Variants in ZBTB7C observed in about 807,000 individuals in gnomAD.
ZBTB7C encodes the protein zinc finger and BTB domain containing 7C, also known as zinc finger and BTB domain-containing protein 7C.
In ZBTB7C, 8 loss-of-function variants were observed where a neutral mutation model predicts 25.7. The ratio of observed to expected loss-of-function variants is 0.31; its 90% CI spans 0.18 to 0.56. The LOEUF (loss-of-function observed/expected upper bound fraction) is 0.56, where lower values mean the gene tolerates loss of function less well. Among genes scored for constraint, ZBTB7C ranks in the 20% least tolerant of loss-of-function variants. The pLI is 0.91. For synonymous variants in ZBTB7C, 394 were observed against 369.0 expected (o/e 1.07, Z -0.78); for missense variants, 824 against 855.2 (o/e 0.96, Z 0.46).
At chr18:48,101,042 C>T (rs1343580302) in intron 3 of ZBTB7C, among the ~76,000 whole-genome samples, 5 of 152,146 alleles carry the variant, frequency 3.3e-5, no homozygotes, top group Admixed American at 2.6e-4. Context: ...GTAGCCTTGT[C>T]CTCAGCCCTC....
chr18:48,372,164 G>T (rs974770582), intron 1 of ZBTB7C, among the ~76,000 whole-genome samples: 1 of 152,188 alleles, frequency 6.6e-6, no homozygotes, highest in African/African-American at 2.4e-5. Context: ...AGTCTGAAAA[G>T]AATTTTGGAG....
intron 3 of ZBTB7C, among the ~76,000 whole-genome samples, chr18:48,140,492 T>C (rs1475125215): frequency 6.6e-6 from 1 of 152,126 alleles, no homozygotes; most frequent in East Asian, 1.9e-4. Flanking sequence ...TGCATCTTTG[T>C]GACTCTGGTG....
chr18:48,134,700 C>G (rs1485249904), intron 3 of ZBTB7C, among the ~76,000 whole-genome samples: 1 of 152,202 alleles, frequency 6.6e-6, no homozygotes, highest in Non-Finnish European at 1.5e-5. Context: ...CAGGGTGACA[C>G]CCTGGGACAG....
chr18:48,029,927 T>TG lies in ZBTB7C; in HGVS notation c.1209-17dup, dbSNP rs777563050. On this transcript the variant is annotated splice_polypyrimidine_tract_variant and intron_variant, in intron 4 of 4. Coordinates refer to ENST00000590800, the MANE Select transcript of ZBTB7C (RefSeq NM_001318841.2). ...CTTGTCCTGCCTGCAATGCAGAGAC[T>TG]GGGGGTCAGTCCCGCAGGGAACACC... 10 of 1,609,510 alleles carry TG rather than the reference T, an allele frequency of 6.2e-6. No individual in the cohort carries two copies. The highest frequency in any genetic ancestry group is 1.7e-5 in the Admixed American group (1 of 59,998).
chr18:48,131,272 C>T (rs1598937024), intron 3 of ZBTB7C, among the ~76,000 whole-genome samples: 1 of 152,344 alleles, frequency 6.6e-6, no homozygotes, highest in East Asian at 1.9e-4. Flanking sequence ...CTGGACTAAG[C>T]ACCATTTGAT....
At chr18:48,259,625 T>C (rs920154403) in intron 2 of ZBTB7C, among the ~76,000 whole-genome samples, 1 of 152,146 alleles carries the variant, frequency 6.6e-6, no homozygotes, top group African/African-American at 2.4e-5. Context: ...GTGAGAAATA[T>C]GCAACCCACA....
chr18:48,233,753 T>C (rs1206869039), intron 2 of ZBTB7C, among the ~76,000 whole-genome samples: 1 of 152,230 alleles, frequency 6.6e-6, no homozygotes, highest in African/African-American at 2.4e-5. Context: ...CCCATATTCA[T>C]CTGTGCTTTT....
intron 2 of ZBTB7C, among the ~76,000 whole-genome samples, chr18:48,204,348 C>T (rs2042529698): frequency 6.6e-6 from 1 of 152,102 alleles, no homozygotes; most frequent in Non-Finnish European, 1.5e-5. Context: ...ACCTAGATAC[C>T]CACTGCACTT....
chr18:48,340,253 C>T (rs772659714), intron 1 of ZBTB7C, among the ~76,000 whole-genome samples: 13 of 152,182 alleles, frequency 8.5e-5, no homozygotes, highest in Non-Finnish European at 1.9e-4. Context: ...CCTTCTGGAA[C>T]AAGTAACATA....
chr18:48,128,578 G>A (rs1385234866), intron 3 of ZBTB7C, among the ~76,000 whole-genome samples: 15 of 152,370 alleles, frequency 9.8e-5, no homozygotes, highest in African/African-American at 3.4e-4. Context: ...GCTGGAAGCC[G>A]TTATTCTAAG....
At chr18:48,326,043 A>G (rs761029016) in intron 2 of ZBTB7C, among the ~76,000 whole-genome samples, 4 of 152,044 alleles carry the variant, frequency 2.6e-5, no homozygotes, top group African/African-American at 7.2e-5. Flanking sequence ...GGACCTGGGA[A>G]CAAAGTCTTG....
intron 2 of ZBTB7C, among the ~76,000 whole-genome samples, chr18:48,220,200 C>A (rs2042916440): frequency 6.6e-6 from 1 of 152,200 alleles, no homozygotes; most frequent in Admixed American, 6.5e-5. Flanking sequence ...CAGTTCAGTT[C>A]ACTCACAGTC....
Position 48,232,394 on chromosome 18 carries a change from C to T in ZBTB7C, c.-78-46399G>A, listed in dbSNP as rs974664520. Among the ~76,000 whole-genome samples the T allele has an allele frequency of 5.9e-5, 9 of 152,124 alleles. 1 individual carries two copies. The highest frequency in any genetic ancestry group is 4.4e-5 in the Non-Finnish European group (3 of 68,026). ...AATACATTTCTGTTGTTTTAAGCCA[C>T]CTACTTTGTCATACTTTGTTATGGC... is the stretch of plus-strand genomic sequence containing the variant. On this transcript the variant is annotated intron_variant, in intron 2 of 4. Transcript: ENST00000590800.
chr18:48,090,684 C>G (rs2038378155), intron 3 of ZBTB7C, among the ~76,000 whole-genome samples: 2 of 152,182 alleles, frequency 1.3e-5, no homozygotes, highest in African/African-American at 4.8e-5. Flanking sequence ...GCCTTCACTT[C>G]CAGAAAAGTT....
chr18:48,258,350 G>A (rs2044078694), intron 2 of ZBTB7C, among the ~76,000 whole-genome samples: 1 of 152,072 alleles, frequency 6.6e-6, no homozygotes, highest in Non-Finnish European at 1.5e-5. Flanking sequence ...AAAGCTACTA[G>A]AACTAGTAAG....
At chr18:48,227,837 T>C (rs991607404) in intron 2 of ZBTB7C, among the ~76,000 whole-genome samples, 1 of 152,002 alleles carries the variant, frequency 6.6e-6, no homozygotes, top group Non-Finnish European at 1.5e-5. Flanking sequence ...ACATGGAGGG[T>C]CCCCTTGTCC....
At chr18:48,082,183 T>C (rs2038016586) in intron 3 of ZBTB7C, among the ~76,000 whole-genome samples, 1 of 152,160 alleles carries the variant, frequency 6.6e-6, no homozygotes, top group African/African-American at 2.4e-5. Context: ...TTTCACAAAA[T>C]TATACACTGT....
chr18:48,136,682 A>G (rs538063012), intron 3 of ZBTB7C, among the ~76,000 whole-genome samples: 1 of 152,250 alleles, frequency 6.6e-6, no homozygotes, highest in African/African-American at 2.4e-5. Context: ...GCCGGCGGCA[A>G]TGGGGCAGTG....
At chr18:48,290,841 C>G (rs1013913368) in intron 2 of ZBTB7C, among the ~76,000 whole-genome samples, 5 of 152,242 alleles carry the variant, frequency 3.3e-5, no homozygotes, top group African/African-American at 9.6e-5. Context: ...GTGCCCTCCT[C>G]CTCTTCCACA....
Sources: allele counts gnomAD v4.1 joint callset (sites outside exome capture counted in the v4.1 genomes callset), GRCh38; gene constraint gnomAD v4.1.1; transcripts MANE v1.5; gene names NCBI Gene and HGNC (gene_info 2026-07-23, HGNC 2026-07-21).